IQGAP1: variants seen among roughly 807,000 people sequenced by gnomAD.
IQGAP1 encodes ras GTPase-activating-like protein IQGAP1.
In IQGAP1, 66 loss-of-function variants were observed where a neutral mutation model predicts 215.6. The observed-to-expected ratio is 0.31, with a 90% CI of 0.25 to 0.38. The LOEUF is 0.38. Among genes scored for constraint, IQGAP1 ranks in the 10% least tolerant of loss-of-function variants. The probability of loss-of-function intolerance (pLI) is 1.00; values close to 1 mark genes in which losing one functional copy is unlikely to be tolerated. For missense variants in IQGAP1, 1,712 were observed against 1,997.1 expected (o/e 0.86, Z 2.72); for synonymous variants, 772 against 728.7 (o/e 1.06, Z -0.96).
At chr15:90,474,853 C>T in intron 23 of IQGAP1, 160 bp downstream of exon 23, 1 of 607,540 alleles carries the variant, frequency 1.6e-6, no homozygotes, top group Non-Finnish European at 2.9e-6. Context: ...CACTCTGTTG[C>T]CCAGGTTGTA....
At chr15:90,397,866 T>TTTTTG (rs1567112859) in intron 2 of IQGAP1, 2 of 133,536 alleles carry the variant, frequency 1.5e-5, no homozygotes, top group African/African-American at 5.9e-5. Context: ...TATCCTGAAT[T>TTTTTG]TTTTCTTTTC....
intron 2 of IQGAP1, among the ~76,000 whole-genome samples, chr15:90,400,163 G>A (rs375016274): frequency 1.0e-5 from 1 of 96,608 alleles, no homozygotes; most frequent in Non-Finnish European, 2.0e-5. Context: ...AATGTCTCTT[G>A]TTTGTTTATT....
At chr15:90,460,628 CT>C (rs1965747588) in intron 15 of IQGAP1, among the ~76,000 whole-genome samples, 5 of 152,246 alleles carry the variant, frequency 3.3e-5, no homozygotes, top group Admixed American at 3.3e-4. Flanking sequence ...ACAGAACTCA[CT>C]GTTCTTACTG....
intron 2 of IQGAP1, among the ~76,000 whole-genome samples, chr15:90,396,778 A>T (rs563859767): frequency 6.6e-6 from 1 of 152,236 alleles, no homozygotes; most frequent in South Asian, 2.1e-4. Flanking sequence ...CACTGTTGCA[A>T]ATGGGGAGTA....
chr15:90,496,951 T>G, intron 36 of IQGAP1: 2 of 244,942 alleles, frequency 8.2e-6, no homozygotes, highest in Non-Finnish European at 1.6e-5. Flanking sequence ...TATGATGTCA[T>G]CCCTTCACAC....
intron 2 of IQGAP1, among the ~76,000 whole-genome samples, chr15:90,410,689 G>A (rs1468522421): frequency 6.6e-6 from 1 of 151,494 alleles, no homozygotes; most frequent in East Asian, 1.9e-4. Flanking sequence ...CCTGTTGTGG[G>A]GTAGGGGGAG....
intron 10 of IQGAP1, among the ~76,000 whole-genome samples, chr15:90,449,177 T>TG (rs1965566486): frequency 6.6e-6 from 1 of 152,128 alleles, no homozygotes; most frequent in African/African-American, 2.4e-5. Flanking sequence ...GGGTTTTTTT[T>TG]TTTTAGAACA....
chr15:90,492,802 A>G (rs899775116), intron 35 of IQGAP1, 91 bp downstream of exon 35: 2 of 978,900 alleles, frequency 2.0e-6, no homozygotes, highest in East Asian at 2.6e-5. Context: ...ATTTTTACTT[A>G]AAATACACTG....
intron 2 of IQGAP1, among the ~76,000 whole-genome samples, chr15:90,412,874 G>C (rs1291401575): frequency 6.6e-6 from 1 of 152,158 alleles, no homozygotes; most frequent in East Asian, 1.9e-4. Flanking sequence ...GGTCAGTTCC[G>C]GCATTGGTAT....
In IQGAP1 at chr15:90,500,181, C is replaced by T; in HGVS notation, c.*73C>T. 1 of 839,278 alleles carries T rather than the reference C, an allele frequency of 1.2e-6. No individual in the cohort carries two copies. The highest frequency in any genetic ancestry group is 2.0e-6 in the Non-Finnish European group (1 of 499,068). 52.0% of individuals were successfully genotyped at this position (839,278 alleles called of 1,614,324 possible). A position where few individuals can be genotyped will look rare whatever the true frequency, so the allele number is the denominator to read the frequency against. Reference sequence around the variant, plus strand: ...ACAGCTCCTTTCTAGGTCCTTCTTTCCTCATTGGAAGCAAAGACCTAGCCA... The same window carrying T: ...ACAGCTCCTTTCTAGGTCCTTCTTTTCTCATTGGAAGCAAAGACCTAGCCA... On this transcript the variant is annotated 3_prime_UTR_variant, in exon 38 of 38. Transcript: ENST00000268182.
intron 36 of IQGAP1, 102 bp downstream of exon 36, chr15:90,494,937 G>GTTTTTTTTTTTTTTTTTTTTT: frequency 1.3e-6 from 1 of 774,446 alleles, no homozygotes. Flanking sequence ...GTTACTTTTA[G>GTTTTTTTTTTTTTTTTTTTTT]TATTTTTTAT....
At chr15:90,442,455 A>T (rs1965465190) in intron 8 of IQGAP1, among the ~76,000 whole-genome samples, 2 of 152,118 alleles carry the variant, frequency 1.3e-5, no homozygotes, top group South Asian at 4.1e-4. Flanking sequence ...GGGGGGGAAA[A>T]AAAAAACTTC....
intron 33 of IQGAP1, among the ~76,000 whole-genome samples, chr15:90,488,354 G>T (rs778721273): frequency 4.6e-5 from 7 of 151,838 alleles, no homozygotes; most frequent in Non-Finnish European, 7.4e-5. Flanking sequence ...TATAAATGCT[G>T]TGTAAATAGT....
chr15:90,443,130 A>G (rs952123234), intron 8 of IQGAP1, among the ~76,000 whole-genome samples: 12 of 152,118 alleles, frequency 7.9e-5, no homozygotes, highest in African/African-American at 2.9e-4. Context: ...GGCTAATAAA[A>G]AAAAGTTTTT....
chr15:90,427,413 T>A (rs1023138129), intron 3 of IQGAP1, among the ~76,000 whole-genome samples: 1 of 152,020 alleles, frequency 6.6e-6, no homozygotes, highest in Non-Finnish European at 1.5e-5. Context: ...TATCTCAAGG[T>A]GCTATAAAAA....
intron 2 of IQGAP1, chr15:90,393,764 T>C (rs1202491129): frequency 1.3e-5 from 2 of 152,202 alleles, no homozygotes; most frequent in Non-Finnish European, 2.9e-5. Context: ...TATAGGAAAG[T>C]AGCCCATTTC....
At chr15:90,473,686 A>G in intron 19 of IQGAP1, 29 bp from the exon 20 acceptor site, 1 of 1,495,426 alleles carries the variant, frequency 6.7e-7, no homozygotes, top group South Asian at 1.1e-5. Context: ...GGGAAGTAAT[A>G]TGTCTTCTGT....
In IQGAP1 at chr15:90,420,270, A is replaced by G. The variant is rs1472033959; in HGVS notation, c.156-5840A>G. ...CTGTTAGCCTTTTTTAACAAATGAA[A>G]GAACTGGTCAAGTGGCTTGCTGTCT... On this transcript the variant is annotated intron_variant, in intron 2 of 37. Coordinates refer to ENST00000268182, the MANE Select transcript of IQGAP1 (RefSeq NM_003870.4). Among the ~76,000 whole-genome samples the G allele has an allele frequency of 2.0e-5, 3 of 152,184 alleles. 1 individual carries two copies. The highest frequency in any genetic ancestry group is 7.2e-5 in the African/African-American group (3 of 41,438).
intron 18 of IQGAP1, among the ~76,000 whole-genome samples, chr15:90,470,551 T>A (rs1032915454): frequency 2.0e-5 from 3 of 152,102 alleles, no homozygotes; most frequent in African/African-American, 7.2e-5. Flanking sequence ...TCCCACATCT[T>A]TGAAAAAATA....
Sources: allele counts gnomAD v4.1 joint callset (sites outside exome capture counted in the v4.1 genomes callset), GRCh38; gene constraint gnomAD v4.1.1; transcripts MANE v1.5; gene names NCBI Gene and HGNC (gene_info 2026-07-23, HGNC 2026-07-21).